The following TNFRSF10B variants were observed in gnomAD, a reference collection of about 807,000 sequenced individuals.
The protein encoded by TNFRSF10B is TNF receptor superfamily member 10b, also known as tumor necrosis factor receptor superfamily member 10B.
TNFRSF10B carries 35 observed loss-of-function variants against 41.4 expected under a neutral mutation model. That is an observed-to-expected ratio of 0.85 (90% CI 0.65 to 1.12). The LOEUF (loss-of-function observed/expected upper bound fraction) is 1.12, where lower values mean the gene tolerates loss of function less well. Ranked by LOEUF, TNFRSF10B falls within the 50% of genes most tolerant of loss-of-function variation. TNFRSF10B has a pLI of 0.00. For synonymous variants in TNFRSF10B, 230 were observed against 215.5 expected, an observed-to-expected ratio of 1.07 and a Z score of -0.59; for missense variants, 584 against 552.7, an observed-to-expected ratio of 1.06 and a Z score of -0.57.
intron 1 of TNFRSF10B, among the ~76,000 whole-genome samples, chr8:23,043,823 T>C (rs1340930796): frequency 6.6e-6 from 1 of 152,242 alleles, no homozygotes; most frequent in East Asian, 1.9e-4. Flanking sequence ...AAAGGGTCAT[T>C]AGGCAATTGT....
intron 2 of TNFRSF10B, 41 bp downstream of exon 2, chr8:23,043,097 G>C: frequency 6.4e-7 from 1 of 1,567,142 alleles, no homozygotes; most frequent in Non-Finnish European, 8.8e-7. Context: ...ATGGAGACAA[G>C]GGGAGGAGGG....
chr8:23,031,922 T>A (rs1042546893), intron 2 of TNFRSF10B, among the ~76,000 whole-genome samples: 3 of 151,662 alleles, frequency 2.0e-5, no homozygotes, highest in Non-Finnish European at 4.4e-5. Context: ...ATTTTTTTTT[T>A]TTTTTTTGAG....
chr8:23,042,890 T>C, intron 2 of TNFRSF10B: 1 of 422,202 alleles, frequency 2.4e-6, no homozygotes, highest in Non-Finnish European at 4.3e-6. Flanking sequence ...CCTGGAGGCC[T>C]CACCAGCCCC....
intron 2 of TNFRSF10B, 174 bp downstream of exon 2, chr8:23,042,960 CATTT>C (rs1812248481): frequency 1.5e-5 from 9 of 588,126 alleles, no homozygotes; most frequent in South Asian, 1.4e-4. Context: ...CTGTCTCATT[CATTT>C]GTGTGTCTTG....
At chr8:23,025,415 T>A (rs945083914) in intron 7 of TNFRSF10B, among the ~76,000 whole-genome samples, 4 of 150,042 alleles carry the variant, frequency 2.7e-5, no homozygotes, top group Non-Finnish European at 6.0e-5. Context: ...CTAGTGACTA[T>A]GTGGGCGGGA....
Position 23,022,704 on chromosome 8 carries a change from A to T in TNFRSF10B, c.1290T>A (p.Tyr430Ter), listed in dbSNP as rs1179154296. The T allele has an allele frequency of 6.2e-7, 1 of 1,614,008 alleles. No homozygotes were observed. The highest frequency in any genetic ancestry group is 8.5e-7 in the Non-Finnish European group (1 of 1,180,018). Residue 430 changes from tyrosine to a stop codon, truncating the protein, a stop_gained, in exon 9 of 9, where the codon TAT becomes TAA. Coordinates refer to ENST00000276431, the MANE Select transcript of TNFRSF10B (RefSeq NM_003842.5). LOFTEE classifies it low-confidence loss of function (END_TRUNC). ...DHLLSSGKFMYLEGNADSAMS is the reference protein window; with the variant it reads ...DHLLSSGKFM Reference sequence around the variant, plus strand: ...TGGCAGAGTCTGCATTACCTTCTAGATACATGAACTTTCCAGAGCTCAACA... The same window carrying T: ...TGGCAGAGTCTGCATTACCTTCTAGTTACATGAACTTTCCAGAGCTCAACA...
rs1265368763 is a variant in TNFRSF10B at position 23,021,876 on chromosome 8, TATCTA to T, written c.*790_*794del. 9 of 454,028 alleles carry T rather than the reference TATCTA, an allele frequency of 2.0e-5. No homozygotes were observed. In the East Asian group the frequency reaches 3.5e-4, roughly 18 times the overall value. The allele number at this position is 454,028 out of a possible 1,614,324, so 28.1% of individuals were successfully genotyped here. ...ATTGTATGTCTCCTCCTTTTATGTT[TATCTA>T]ATCTATTCACATAACTATGTAAACA... On this transcript the variant is annotated 3_prime_UTR_variant, in exon 9 of 9. Transcript: ENST00000276431.
chr8:23,029,619 C>T lies in TNFRSF10B; in HGVS notation c.467G>A (p.Cys156Tyr). Reference protein sequence around the residue: ...EEDSPEMCRKCRTGCPRGMVK... With the variant: ...EEDSPEMCRKYRTGCPRGMVK... ...CCGGCTCCTGTCTCACCCTGTGCGG[C>T]ACTTCCGGCACATCTCAGGAGAATC... Residue 156 changes from cysteine to tyrosine, a missense_variant, in exon 4 of 9, where the codon TGC becomes TAC. Physicochemically the swap from Cys to Tyr is radical, Grantham distance 194 (BLOSUM62 -2). Coordinates refer to ENST00000276431, the MANE Select transcript of TNFRSF10B (RefSeq NM_003842.5). 1 of 1,610,586 alleles carries T rather than the reference C, an allele frequency of 6.2e-7. No individual in the cohort carries two copies. Among genetic ancestry groups the T allele is most frequent in the Non-Finnish European group, 8.5e-7 (1 of 1,178,250 alleles).
intron 1 of TNFRSF10B, among the ~76,000 whole-genome samples, chr8:23,044,026 T>C (rs1456507616): frequency 6.6e-6 from 1 of 152,236 alleles, no homozygotes; most frequent in African/African-American, 2.4e-5. Flanking sequence ...CATGACTGTA[T>C]ATGATCAAGT....
chr8:23,042,813 C>A, intron 2 of TNFRSF10B: 1 of 270,398 alleles, frequency 3.7e-6, no homozygotes, highest in Non-Finnish European at 7.1e-6. Flanking sequence ...CTCCTAGGAG[C>A]ACTCTTCCTG....
intron 1 of TNFRSF10B, among the ~76,000 whole-genome samples, chr8:23,044,823 A>C (rs1425374805): frequency 1.3e-5 from 2 of 152,134 alleles, no homozygotes; most frequent in Non-Finnish European, 2.9e-5. Flanking sequence ...ACAAAAGATT[A>C]TCAAAATTCT....
intron 1 of TNFRSF10B, among the ~76,000 whole-genome samples, chr8:23,065,146 G>A (rs546217282): frequency 6.6e-6 from 1 of 152,224 alleles, no homozygotes; most frequent in East Asian, 1.9e-4. Flanking sequence ...ATTCACACAG[G>A]GCTCATTTGT....
Position 23,022,871 on chromosome 8 carries a change from C to T in TNFRSF10B, c.1123G>A (p.Ala375Thr), listed in dbSNP as rs1332310747. ...DNEIKVAKAE[A>T]AGHRDTLYTM... ...TACAAGGTGTCCCTGTGGCCCGCTGCCTCAGCTTTAGCCACCTTTATCTCA... is the reference window on the plus strand; with the variant it reads ...TACAAGGTGTCCCTGTGGCCCGCTGTCTCAGCTTTAGCCACCTTTATCTCA... Residue 375 changes from alanine to threonine, a missense_variant, in exon 9 of 9, where the codon GCA (alanine) becomes ACA (threonine). By Grantham distance (58) the Ala-to-Thr change is moderately conservative (BLOSUM62 0). Transcript: ENST00000276431. 1 of 1,614,000 alleles carries T rather than the reference C, an allele frequency of 6.2e-7. No individual in the cohort carries two copies. The highest frequency in any genetic ancestry group is 1.7e-5 in the Admixed American group (1 of 60,004).
chr8:23,064,404 G>T (rs527789654), intron 1 of TNFRSF10B, among the ~76,000 whole-genome samples: 40 of 152,306 alleles, frequency 2.6e-4, no homozygotes, highest in African/African-American at 8.7e-4. Context: ...TGTGCAGGAC[G>T]AGGCTGTGCC....
At position 23,021,760 on chromosome 8, in the gene TNFRSF10B, G is replaced by A. The variant is rs941958108; in HGVS notation, c.*911C>T. 6.6e-6 allele frequency: 3 copies of A among 454,000 alleles called. No individual in the cohort carries two copies. Among genetic ancestry groups the A allele is most frequent in the Non-Finnish European group, 1.3e-5 (3 of 226,800 alleles). 28.1% of individuals were successfully genotyped at this position (454,000 alleles called of 1,614,324 possible). ...CCAGTTCAAAAGACTGGCCCCTGTA[G>A]AAGTTGCCAATCATTGAAGCCAAAG... On this transcript the variant is annotated 3_prime_UTR_variant, in exon 9 of 9. Transcript: ENST00000276431.
At chr8:23,050,493 T>TAA (rs1812495193) in intron 1 of TNFRSF10B, among the ~76,000 whole-genome samples, 3 of 152,304 alleles carry the variant, frequency 2.0e-5, no homozygotes, top group South Asian at 4.1e-4. Context: ...TGAAGGCCTT[T>TAA]AAAAGGCCTT....
At chr8:23,066,433 T>G (rs1001769397) in intron 1 of TNFRSF10B, among the ~76,000 whole-genome samples, 1 of 151,986 alleles carries the variant, frequency 6.6e-6, no homozygotes, top group African/African-American at 2.4e-5. Context: ...TCAATGAACT[T>G]GAAGAGCCCT....
intron 1 of TNFRSF10B, among the ~76,000 whole-genome samples, chr8:23,051,499 ATT>A (rs576997397): frequency 1.0e-3 from 159 of 152,138 alleles, no homozygotes; most frequent in African/African-American, 3.2e-3. Context: ...AAACATTAAT[ATT>A]GTTTTAATGA....
At position 23,046,210 on chromosome 8, in the gene TNFRSF10B, CTG is replaced by C. The variant is rs1585219015; in HGVS notation, c.145-2969_145-2968del. Among the ~76,000 whole-genome samples the C allele has an allele frequency of 2.0e-5, 3 of 152,250 alleles. No individual in the cohort carries two copies. In the East Asian group the frequency reaches 5.8e-4, roughly 29 times the overall value. ...AAACCCTGAAGACTCCACCAAAAAACTGTTAGAAATTTGTAAACAAATTCAGT... is the reference window on the plus strand; with the variant it reads ...AAACCCTGAAGACTCCACCAAAAAACTTAGAAATTTGTAAACAAATTCAGT... On this transcript the variant is annotated intron_variant, in intron 1 of 8. Transcript: ENST00000276431.
Sources: gnomAD v4.1 joint callset for allele counts (sites outside exome capture counted in the v4.1 genomes callset) on GRCh38, gnomAD v4.1.1 for gene constraint, MANE v1.5 for transcripts, NCBI Gene and HGNC (gene_info 2026-07-23, HGNC 2026-07-21) for gene names.